The following BANP variants were observed in gnomAD, a reference collection of about 807,000 sequenced individuals.
BANP encodes the protein protein BANP.
In BANP, 11 loss-of-function variants were observed where a neutral mutation model predicts 68.1. The ratio of observed to expected loss-of-function variants is 0.16; its 90% CI spans 0.10 to 0.27. BANP has a LOEUF of 0.27. BANP is among the 10% of genes least tolerant of loss of function. The pLI is 1.00. For synonymous variants in BANP, 329 were observed against 303.2 expected, an observed-to-expected ratio of 1.09 and a Z score of -0.88; for missense variants, 504 against 722.7, an observed-to-expected ratio of 0.70 and a Z score of 3.47.
Position 88,071,955 on chromosome 16 carries a change from C to T in BANP, c.1378-114C>T. The T allele has an allele frequency of 7.2e-7, 1 of 1,398,500 alleles. No individual in the cohort carries two copies. The highest frequency in any genetic ancestry group is 9.8e-7 in the Non-Finnish European group (1 of 1,025,524). 86.6% of individuals were successfully genotyped at this position (1,398,500 alleles called of 1,614,324 possible). On this transcript the variant is annotated intron_variant, in intron 12 of 13. Transcript: ENST00000682872. The surrounding 1 kb of genome is among the most constrained non-coding windows in gnomAD (Gnocchi z 6.5). Reference sequence around the variant, plus strand: ...GTGTGGCCCTGAGGCCGTGTCCCTGCCGCTCAGGGGACAGCACGTGTGGGC... The same window carrying T: ...GTGTGGCCCTGAGGCCGTGTCCCTGTCGCTCAGGGGACAGCACGTGTGGGC...
intron 4 of BANP, among the ~76,000 whole-genome samples, chr16:88,001,375 C>A (rs1218650591): frequency 6.6e-6 from 1 of 152,216 alleles, no homozygotes; most frequent in Non-Finnish European, 1.5e-5. Context: ...GCTGGACTTA[C>A]CTGTCCTTCC....
intron 11 of BANP, among the ~76,000 whole-genome samples, chr16:88,050,655 A>G (rs898808622): frequency 5.3e-5 from 8 of 152,132 alleles, no homozygotes; most frequent in Admixed American, 4.6e-4. Context: ...CATCATTTGG[A>G]TAAGTGTGAG....
In BANP at chr16:88,004,354, A is replaced by T; in HGVS notation, c.422A>T (p.Lys141Met). 6.4e-7 allele frequency: 1 copy of T among 1,550,596 alleles called. No homozygotes were observed. Among genetic ancestry groups the T allele is most frequent in the Non-Finnish European group, 8.7e-7 (1 of 1,146,690 alleles). The change falls in exon 5 of 14, where the codon AAG becomes ATG. Residue 141 changes from lysine to methionine, a missense_variant. This residue lies in a region of BANP where 238 missense variants were observed against 278.9 expected (regional missense o/e 0.85). Transcript: ENST00000682872. The surrounding 1 kb of genome is among the most constrained non-coding windows in gnomAD (Gnocchi z 7.0). ...NNDRQNAIVA[K>M]MEDPLSNRAP... is the part of the protein sequence containing the mutation. ...GATCGGCAGAACGCCATTGTAGCCAAGATGGAAGACCCCTTGAGCAACAGG... is the reference window on the plus strand; with the variant it reads ...GATCGGCAGAACGCCATTGTAGCCATGATGGAAGACCCCTTGAGCAACAGG...
At chr16:87,974,606 C>A (rs866484522) in intron 1 of BANP, among the ~76,000 whole-genome samples, 1 of 152,060 alleles carries the variant, frequency 6.6e-6, no homozygotes, top group African/African-American at 2.4e-5. Flanking sequence ...ACCACGGAGA[C>A]CAGTGGTATG....
chr16:87,993,891 A>G lies in BANP; in HGVS notation c.362+9632A>G, dbSNP rs556244747. Among the ~76,000 whole-genome samples the G allele has an allele frequency of 2.0e-5, 3 of 152,308 alleles. No homozygotes were observed. In the South Asian group the frequency reaches 6.2e-4, roughly 32 times the overall value. Reference sequence around the variant, plus strand: ...GCTGGGATTACAGATGTGAACCACCATGCCCGGCCTGAGCACTTTTTACTT... The same window carrying G: ...GCTGGGATTACAGATGTGAACCACCGTGCCCGGCCTGAGCACTTTTTACTT... On this transcript the variant is annotated intron_variant, in intron 4 of 13. Transcript: ENST00000682872.
intron 11 of BANP, among the ~76,000 whole-genome samples, chr16:88,046,418 G>A (rs1193563034): frequency 6.6e-6 from 1 of 152,192 alleles, no homozygotes; most frequent in Non-Finnish European, 1.5e-5. Context: ...TGAATTAAAC[G>A]GTTTGGTAAA....
At chr16:88,030,036 C>T (rs1482671454) in intron 8 of BANP, among the ~76,000 whole-genome samples, 1 of 152,242 alleles carries the variant, frequency 6.6e-6, no homozygotes, top group Non-Finnish European at 1.5e-5. Context: ...TCAGTCGCTG[C>T]ACTAGCAGGC....
In BANP at chr16:87,957,254, G is replaced by T. The variant is rs915173970; in HGVS notation, c.-69+5739G>T. On this transcript the variant is annotated intron_variant, in intron 1 of 13. Coordinates refer to ENST00000682872, the MANE Select transcript of BANP (RefSeq NM_001386991.1). This position sits in a 1 kb window ranked among gnomAD's most constrained non-coding sequence, Gnocchi z 4.3. The stretch of plus-strand genomic sequence containing the variant: ...GCGGTGCTCCATTCGGAACCCACAG[G>T]TCGCCAGCTTACAGCGTGGGAGCTG... Among the ~76,000 whole-genome samples, 3 of 152,236 alleles carry T rather than the reference G, an allele frequency of 2.0e-5. No individual in the cohort carries two copies. Among genetic ancestry groups the T allele is most frequent in the Non-Finnish European group, 4.4e-5 (3 of 68,046 alleles).
At chr16:88,046,740 G>T (rs1452003129) in intron 11 of BANP, among the ~76,000 whole-genome samples, 1 of 151,886 alleles carries the variant, frequency 6.6e-6, no homozygotes. Context: ...TAGACACGGG[G>T]TTTCACCGTG....
At chr16:88,034,230 C>G (rs573344416) in intron 9 of BANP, among the ~76,000 whole-genome samples, 26 of 152,304 alleles carry the variant, frequency 1.7e-4, no homozygotes, top group Middle Eastern at 3.4e-3. Flanking sequence ...ATTTAATAAG[C>G]TTATTAATTT....
In BANP at chr16:88,072,144, C is replaced by A. The variant is rs761891787; in HGVS notation, c.1453C>A (p.Gln485Lys). The A allele has an allele frequency of 1.2e-6, 2 of 1,611,312 alleles. No homozygotes were observed. The highest frequency in any genetic ancestry group is 1.7e-4 in the Middle Eastern group (1 of 5,888). Reference protein sequence around the residue: ...AAAGVDGSPLQGSDIQVQYVQ... With the variant: ...AAAGVDGSPLKGSDIQVQYVQ... ...GGCGGGCGTGGATGGGTCGCCACTC[C>A]AGGGCAGCGACATCCAGGTTCAGTA... is the stretch of plus-strand genomic sequence containing the variant. Residue 485 changes from glutamine to lysine, a missense_variant, in exon 13 of 14, where the codon CAG becomes AAG. Physicochemically the swap from Gln to Lys is moderately conservative, Grantham distance 53. Transcript: ENST00000682872.
chr16:88,074,509 C>A (rs1009060730), intron 13 of BANP, among the ~76,000 whole-genome samples: 8 of 152,242 alleles, frequency 5.3e-5, no homozygotes, highest in African/African-American at 1.9e-4. Context: ...CTCCCTGAAC[C>A]ATCTGTAGCA....
intron 10 of BANP, 94 bp downstream of exon 10, chr16:88,035,488 G>GCCCCCAGGACAGGGAA: frequency 8.0e-7 from 1 of 1,249,760 alleles, no homozygotes; most frequent in Non-Finnish European, 1.1e-6. Flanking sequence ...GCAGCAGGGA[G>GCCCCCAGGACAGGGAA]CCCCCAGGAC....
rs552671185 is a variant in BANP, at chr16:87,954,986, G to T, written c.-69+3471G>T. On this transcript the variant is annotated intron_variant, in intron 1 of 13. Transcript: ENST00000682872. Reference sequence around the variant, plus strand: ...CAGCCGCCTCTGAATTGCAGCGTGGGCTGGTGGCTCTGGCCCTGTGGCCTT... The same window carrying T: ...CAGCCGCCTCTGAATTGCAGCGTGGTCTGGTGGCTCTGGCCCTGTGGCCTT... Among the ~76,000 whole-genome samples the T allele has an allele frequency of 1.5e-3, 234 of 152,252 alleles. 3 individuals are homozygous for T. The highest frequency in any genetic ancestry group is 2.4e-3 in the Non-Finnish European group (162 of 68,038).
intron 9 of BANP, among the ~76,000 whole-genome samples, chr16:88,033,545 T>G (rs1270707998): frequency 6.6e-6 from 1 of 152,204 alleles, no homozygotes; most frequent in Non-Finnish European, 1.5e-5. Context: ...GGTCAGGCCG[T>G]GCGGTGGTCC....
intron 8 of BANP, 113 bp downstream of exon 8, chr16:88,027,763 C>T (rs1216366071): frequency 9.9e-6 from 13 of 1,319,722 alleles, no homozygotes; most frequent in South Asian, 3.8e-5. Flanking sequence ...GGCCGGGAGC[C>T]GAGGCCAGAG....
intron 1 of BANP, among the ~76,000 whole-genome samples, chr16:87,961,099 G>A (rs1162031461): frequency 6.6e-6 from 1 of 152,194 alleles, no homozygotes; most frequent in Admixed American, 6.5e-5. Flanking sequence ...CTGGGTAAAA[G>A]ATCCATTTAG....
rs919952935 is a variant in BANP, at chr16:88,010,919, T to TAGCTACAAACATGCCTCGAAC, written c.655+4655_655+4656insGCTACAAACATGCCTCGAACA. Among the ~76,000 whole-genome samples the TAGCTACAAACATGCCTCGAAC allele has an allele frequency of 2.6e-5, 4 of 152,352 alleles. No individual in the cohort carries two copies. In the South Asian group the frequency reaches 8.3e-4, roughly 32 times the overall value. ...TCGTGCACATGGAAAGGAGAGCATTTATTTACAGAATTCATCTTATGTAAG... is the reference window on the plus strand; with the variant it reads ...TCGTGCACATGGAAAGGAGAGCATTTAGCTACAAACATGCCTCGAACATTTACAGAATTCATCTTATGTAAG... On this transcript the variant is annotated intron_variant, in intron 6 of 13. Coordinates refer to ENST00000682872, the MANE Select transcript of BANP (RefSeq NM_001386991.1).
chr16:87,990,841 CA>C (rs1163946581), intron 4 of BANP, among the ~76,000 whole-genome samples: 1 of 152,186 alleles, frequency 6.6e-6, no homozygotes, highest in Non-Finnish European at 1.5e-5. Context: ...CGGCTCACTG[CA>C]ACCTCCGCCT....
Sources: gnomAD v4.1 joint callset for allele counts (sites outside exome capture counted in the v4.1 genomes callset) on GRCh38, gnomAD v4.1.1 for gene constraint, gnomAD v4.1.1 regional missense constraint, Gnocchi (gnomAD v3.1) non-coding constraint, MANE v1.5 for transcripts, NCBI Gene and HGNC (gene_info 2026-07-23, HGNC 2026-07-21) for gene names.